BOP1: variants seen among roughly 807,000 people sequenced by gnomAD.
BOP1 encodes the protein ribosome biogenesis protein BOP1.
Under a neutral mutation model 82.9 loss-of-function variants are expected in BOP1, and 54 were observed. The ratio of observed to expected loss-of-function variants is 0.65; its 90% CI spans 0.52 to 0.82. BOP1 has a LOEUF of 0.82. BOP1 is among the 40% of genes least tolerant of loss of function. The pLI, the probability that BOP1 is intolerant of heterozygous loss-of-function variation, is 0.00. For synonymous variants in BOP1, 566 were observed against 451.1 expected (o/e 1.25, Z -3.23); for missense variants, 1,170 against 1,072.0 (o/e 1.09, Z -1.28).
At chr8:144,269,185 C>T (rs1845448224) in intron 3 of BOP1, among the ~76,000 whole-genome samples, 1 of 152,200 alleles carries the variant, frequency 6.6e-6, no homozygotes, top group Non-Finnish European at 1.5e-5. Context: ...AGCTGGCTGG[C>T]CATTAAAACC....
At chr8:144,276,437 G>A (rs1252341293) in intron 2 of BOP1, 133 bp from the exon 3 acceptor site, 69 of 1,033,328 alleles carry the variant, frequency 6.7e-5, no homozygotes, top group East Asian at 6.2e-4. Flanking sequence ...GCACAAGGCC[G>A]AGAACACCCA....
At chr8:144,283,521 C>T (rs1554839173) in intron 2 of BOP1, among the ~76,000 whole-genome samples, 1 of 152,210 alleles carries the variant, frequency 6.6e-6, no homozygotes, top group African/African-American at 2.4e-5. Context: ...TTATATGGCA[C>T]AGGCTGGTCT....
chr8:144,272,914 CG>C (rs1554837952), intron 3 of BOP1, among the ~76,000 whole-genome samples: 1 of 152,204 alleles, frequency 6.6e-6, no homozygotes, highest in African/African-American at 2.4e-5. Flanking sequence ...GGTAGCAGGG[CG>C]CGCCCGTTTC....
At chr8:144,278,101 C>G (rs1419449984) in intron 2 of BOP1, among the ~76,000 whole-genome samples, 4 of 152,236 alleles carry the variant, frequency 2.6e-5, no homozygotes, top group Middle Eastern at 3.4e-3. Context: ...GAGGAGGGGT[C>G]GGGCCCGATG....
At position 144,263,568 on chromosome 8, in the gene BOP1, G is replaced by A. The variant is rs1358820774; in HGVS notation, c.1334C>T (p.Ala445Val). The A allele has an allele frequency of 8.7e-6, 14 of 1,602,806 alleles. No individual in the cohort carries two copies. Among genetic ancestry groups the A allele is most frequent in the Non-Finnish European group, 1.1e-5 (13 of 1,179,726 alleles). ...GSLRLWEVAT[A>V]RCVRTVPVGG... ...CACGGGAACAGTCCTCACACAGCGG[G>A]CAGTGGCCACCTCCCAGAGCCGCAG... Residue 445 changes from alanine (A) to valine (V), a missense_variant, in exon 11 of 16, where the codon GCC (alanine) becomes GTC (valine). Physicochemically the swap from Ala to Val is moderately conservative, Grantham distance 64. Coordinates refer to ENST00000569669, the MANE Select transcript of BOP1 (RefSeq NM_015201.5).
Position 144,291,008 on chromosome 8 carries a change from T to C in BOP1, c.99+264A>G, listed in dbSNP as rs1235049808. ...CCCTTTTATTGGCAGGATGCACAAATGGAACGGCTGGAGAGGCTGCTGCAA... is the reference window on the plus strand; with the variant it reads ...CCCTTTTATTGGCAGGATGCACAAACGGAACGGCTGGAGAGGCTGCTGCAA... On this transcript the variant is annotated intron_variant, in intron 1 of 15. Transcript: ENST00000569669. The surrounding 1 kb of genome is among the most constrained non-coding windows in gnomAD (Gnocchi z 4.1). 1.3e-5 allele frequency among the ~76,000 whole-genome samples: 2 copies of C among 152,202 alleles called. No homozygotes were observed. Among genetic ancestry groups the C allele is most frequent in the Admixed American group, 6.5e-5 (1 of 15,284 alleles).
At chr8:144,265,326 C>T in intron 3 of BOP1, 1 of 583,790 alleles carries the variant, frequency 1.7e-6, no homozygotes, top group East Asian at 2.9e-5. Flanking sequence ...GTGGTGCCAA[C>T]CCCAGAGCTC....
At chr8:144,267,540 G>A (rs1159044302) in intron 3 of BOP1, among the ~76,000 whole-genome samples, 4 of 152,280 alleles carry the variant, frequency 2.6e-5, no homozygotes, top group Non-Finnish European at 5.9e-5. Context: ...GCTGAGTTCA[G>A]AAAGTAAGAG....
At chr8:144,275,404 G>C (rs1384582420) in intron 3 of BOP1, among the ~76,000 whole-genome samples, 1 of 151,970 alleles carries the variant, frequency 6.6e-6, no homozygotes, top group East Asian at 1.9e-4. Flanking sequence ...TCTGCTCTTG[G>C]ACACAGCCCA....
intron 3 of BOP1, 91 bp downstream of exon 3, chr8:144,276,133 C>G: frequency 6.7e-7 from 1 of 1,496,676 alleles, no homozygotes; most frequent in African/African-American, 1.4e-5. Context: ...CCCAGCACCC[C>G]CAGGGCAACC....
intron 2 of BOP1, chr8:144,281,943 A>G (rs868920688): frequency 3.1e-4 from 48 of 152,392 alleles, no homozygotes; most frequent in African/African-American, 1.1e-3. Context: ...TCTGCACAAA[A>G]TAATAAAAAG....
Position 144,264,501 on chromosome 8 carries a change from G to T in BOP1, c.765+14C>A. 1.2e-6 allele frequency: 2 copies of T among 1,609,178 alleles called. No homozygotes were observed. Among genetic ancestry groups the T allele is most frequent in the Non-Finnish European group, 1.7e-6 (2 of 1,178,928 alleles). On this transcript the variant is annotated intron_variant, in intron 6 of 15. Coordinates refer to ENST00000569669, the MANE Select transcript of BOP1 (RefSeq NM_015201.5). ...GGTCAGCCCAGGCCAAGCCCCAGGG[G>T]CTGTGTGCCCCACCTTCTCCTTCTC...
At chr8:144,267,282 C>G in intron 3 of BOP1, 1 of 1,331,278 alleles carries the variant, frequency 7.5e-7, no homozygotes, top group Non-Finnish European at 9.7e-7. Flanking sequence ...GGCTCCCCAA[C>G]AGGGCACAGG....
Position 144,263,630 on chromosome 8 carries a change from C to T in BOP1, c.1292-20G>A. 1 of 1,608,178 alleles carries T rather than the reference C, an allele frequency of 6.2e-7. No homozygotes were observed. Among genetic ancestry groups the T allele is most frequent in the Non-Finnish European group, 8.5e-7 (1 of 1,179,070 alleles). On this transcript the variant is annotated intron_variant, in intron 10 of 15. Coordinates refer to ENST00000569669, the MANE Select transcript of BOP1 (RefSeq NM_015201.5). ...CAGAGCCTGGATGCGGCAGAGACAGCTCTCAACACCTGGCCATCCCACCTG... is the reference window on the plus strand; with the variant it reads ...CAGAGCCTGGATGCGGCAGAGACAGTTCTCAACACCTGGCCATCCCACCTG...
At chr8:144,268,839 C>T (rs1171597730) in intron 3 of BOP1, among the ~76,000 whole-genome samples, 1 of 152,068 alleles carries the variant, frequency 6.6e-6, no homozygotes, top group Non-Finnish European at 1.5e-5. Context: ...AGCAGCAGGG[C>T]AAGGGTGCCC....
chr8:144,266,830 G>T, intron 3 of BOP1: 1 of 1,287,696 alleles, frequency 7.8e-7, no homozygotes, highest in East Asian at 3.7e-5. Context: ...GCCAGGCCGT[G>T]AGCCCCGGCA....
chr8:144,291,263 C>A lies in BOP1; in HGVS notation c.99+9G>T. On this transcript the variant is annotated intron_variant, in intron 1 of 15. Coordinates refer to ENST00000569669, the MANE Select transcript of BOP1 (RefSeq NM_015201.5). This position sits in a 1 kb window ranked among gnomAD's most constrained non-coding sequence, Gnocchi z 4.1. ...GACGCGCCCCGCCGCCCCGCATCGC[C>A]ACAGTCACCTCCGGCTCGGGCTCAG... 1 of 1,454,710 alleles carries A rather than the reference C, an allele frequency of 6.9e-7. No individual in the cohort carries two copies. 90.1% of individuals were successfully genotyped at this position (1,454,710 alleles called of 1,614,324 possible).
rs149600149 is a variant in BOP1 at position 144,278,717 on chromosome 8, C to G, written c.310-2413G>C. On this transcript the variant is annotated intron_variant, in intron 2 of 15. Coordinates refer to ENST00000569669, the MANE Select transcript of BOP1 (RefSeq NM_015201.5). ...CAACCCAGCGCTGCACCACAGACCC[C>G]ACACCCAGCACCTCAGCACGGCCAA... Among the ~76,000 whole-genome samples the G allele has an allele frequency of 7.9e-5, 12 of 152,302 alleles. No homozygotes were observed. In the East Asian group the frequency reaches 2.3e-3, roughly 29 times the overall value.
At chr8:144,268,490 C>G (rs1396885710) in intron 3 of BOP1, 3 of 410,616 alleles carry the variant, frequency 7.3e-6, no homozygotes, top group South Asian at 2.8e-5. Flanking sequence ...AATATGGAGG[C>G]CAACTGTCCT....
Sources: gnomAD v4.1 joint callset for allele counts (sites outside exome capture counted in the v4.1 genomes callset) on GRCh38, gnomAD v4.1.1 for gene constraint, Gnocchi (gnomAD v3.1) non-coding constraint, MANE v1.5 for transcripts, NCBI Gene and HGNC (gene_info 2026-07-23, HGNC 2026-07-21) for gene names.